The following PBX1 variants were observed in gnomAD, a reference collection of about 807,000 sequenced individuals.
PBX1 encodes the protein PBX homeobox 1, also known as pre-B-cell leukemia transcription factor 1.
PBX1 carries 6 observed loss-of-function variants against 53.4 expected under a neutral mutation model. That is an observed-to-expected ratio of 0.11 (90% CI 0.06 to 0.22). The LOEUF (loss-of-function observed/expected upper bound fraction) is 0.22. Among genes scored for constraint, PBX1 ranks in the 10% least tolerant of loss-of-function variants. The probability of loss-of-function intolerance (pLI) is 1.00; values close to 1 mark genes in which losing one functional copy is unlikely to be tolerated. For synonymous variants in PBX1, 204 were observed against 212.3 expected, an observed-to-expected ratio of 0.96 and a Z score of 0.34; for missense variants, 251 against 551.4, an observed-to-expected ratio of 0.46 and a Z score of 5.46.
chr1:164,739,480 A>G (rs528556165), intron 2 of PBX1, among the ~76,000 whole-genome samples: 1 of 152,010 alleles, frequency 6.6e-6, no homozygotes, highest in Non-Finnish European at 1.5e-5. Context: ...TTCCCTAACC[A>G]CCCAAACTGG....
intron 8 of PBX1, among the ~76,000 whole-genome samples, chr1:164,832,978 AAAC>A (rs1327002694): frequency 6.6e-6 from 1 of 152,168 alleles, no homozygotes; most frequent in East Asian, 1.9e-4. Context: ...AACAATTAAA[AAAC>A]AATAAGGAGA....
intron 2 of PBX1, among the ~76,000 whole-genome samples, chr1:164,625,074 A>G (rs972287647): frequency 6.6e-6 from 1 of 152,246 alleles, no homozygotes; most frequent in Non-Finnish European, 1.5e-5. Flanking sequence ...TACACCATGT[A>G]GAAACATGGG....
chr1:164,655,136 G>A (rs1374970440), intron 2 of PBX1, among the ~76,000 whole-genome samples: 2 of 142,644 alleles, frequency 1.4e-5, no homozygotes, highest in South Asian at 2.2e-4. Flanking sequence ...TTTTTAAGAC[G>A]GAATTTCACT....
At chr1:164,779,479 T>C (rs1427731075) in intron 2 of PBX1, among the ~76,000 whole-genome samples, 1 of 152,190 alleles carries the variant, frequency 6.6e-6, no homozygotes, top group Non-Finnish European at 1.5e-5. Flanking sequence ...GCTGTAAGGC[T>C]GTCACTGAAC....
At chr1:164,857,334 G>T (rs1672000551) in intron 2 of PBX1, among the ~76,000 whole-genome samples, 1 of 152,182 alleles carries the variant, frequency 6.6e-6, no homozygotes, top group Admixed American at 6.5e-5. Flanking sequence ...ATAGTGGGAG[G>T]TCTGGAAGGG....
chr1:164,565,645 ATT>A (rs1557863390), intron 2 of PBX1, among the ~76,000 whole-genome samples: 2 of 152,044 alleles, frequency 1.3e-5, no homozygotes, highest in African/African-American at 4.8e-5. Context: ...CTAAAGCACG[ATT>A]ACTTGGCTAC....
At chr1:164,798,237 T>C (rs1668884474) in intron 3 of PBX1, among the ~76,000 whole-genome samples, 1 of 152,268 alleles carries the variant, frequency 6.6e-6, no homozygotes, top group African/African-American at 2.4e-5. Flanking sequence ...CTACTATTGT[T>C]ATTGTTATTG....
Position 164,764,779 on chromosome 1 carries a change from T to G in PBX1, c.266-27715T>G, listed in dbSNP as rs571083226. ...ATATAACTTGAAATGCGTAGGTTTC[T>G]TATCTAAGAAACCTTTGCACAACCC... is the stretch of plus-strand genomic sequence containing the variant. On this transcript the variant is annotated intron_variant, in intron 2 of 8. Transcript: ENST00000420696. Among the ~76,000 whole-genome samples, 3 of 152,312 alleles carry G rather than the reference T, an allele frequency of 2.0e-5. No homozygotes were observed. In the South Asian group the frequency reaches 6.2e-4, roughly 32 times the overall value.
At chr1:164,603,929 A>ATTTCATTTTTTTTTTTTTT (rs1656369037) in intron 2 of PBX1, among the ~76,000 whole-genome samples, 3 of 75,740 alleles carry the variant, frequency 4.0e-5, no homozygotes, top group African/African-American at 1.9e-4. Flanking sequence ...ATGTCATTTC[A>ATTTCATTTTTTTTTTTTTT]TTTTTTTTTT....
intron 2 of PBX1, among the ~76,000 whole-genome samples, chr1:164,758,218 G>A (rs1472419308): frequency 6.6e-6 from 1 of 152,186 alleles, no homozygotes; most frequent in African/African-American, 2.4e-5. Flanking sequence ...TGAGCGGAAC[G>A]TTGTGTTCAC....
intron 2 of PBX1, among the ~76,000 whole-genome samples, chr1:164,750,971 A>C (rs12068276): frequency 0.17 from 25,777 of 152,106 alleles, 2,839 homozygotes; most frequent in South Asian, 0.34. Context: ...GGGATCCCCA[A>C]CATTTCCAGG....
chr1:164,872,274 C>T (rs140614814), intron 2 of PBX1, among the ~76,000 whole-genome samples: 10 of 152,282 alleles, frequency 6.6e-5, no homozygotes, highest in South Asian at 4.2e-4. Context: ...TCTCCATGTG[C>T]GGACAGCATT....
intron 2 of PBX1, chr1:164,642,262 G>A (rs1015716160): frequency 6.6e-6 from 1 of 151,724 alleles, no homozygotes; most frequent in Non-Finnish European, 1.5e-5. Flanking sequence ...ACTCTATTTG[G>A]TAGAGACTGA....
At chr1:164,778,397 A>T (rs752813609) in intron 2 of PBX1, among the ~76,000 whole-genome samples, 2 of 152,312 alleles carry the variant, frequency 1.3e-5, no homozygotes, top group Non-Finnish European at 2.9e-5. Flanking sequence ...TAATCCCAAC[A>T]CTTTGGGAGG....
intron 2 of PBX1, among the ~76,000 whole-genome samples, chr1:164,877,302 A>T (rs893541955): frequency 1.5e-4 from 23 of 151,888 alleles, no homozygotes; most frequent in Non-Finnish European, 2.8e-4. Context: ...AATCCTCCTG[A>T]TACTTGATAT....
chr1:164,771,250 GAT>G (rs1201274512), intron 2 of PBX1: 1 of 152,070 alleles, frequency 6.6e-6, no homozygotes, highest in East Asian at 1.9e-4. Context: ...ATGAGAACTT[GAT>G]ATCTTTCTTG....
intron 2 of PBX1, among the ~76,000 whole-genome samples, chr1:164,656,913 A>T (rs1347336152): frequency 1.3e-5 from 2 of 152,196 alleles, no homozygotes; most frequent in Admixed American, 1.3e-4. Flanking sequence ...GTGTGAGTTT[A>T]TACATGGGTT....
intron 2 of PBX1, among the ~76,000 whole-genome samples, chr1:164,681,801 C>G (rs1161972667): frequency 6.6e-6 from 1 of 151,904 alleles, no homozygotes; most frequent in East Asian, 1.9e-4. Flanking sequence ...GTATAACAAA[C>G]CTACACATGC....
At chr1:164,785,994 T>C (rs1668154095) in intron 2 of PBX1, among the ~76,000 whole-genome samples, 1 of 152,170 alleles carries the variant, frequency 6.6e-6, no homozygotes, top group Non-Finnish European at 1.5e-5. Flanking sequence ...TAAGGCAGAT[T>C]TGACAGTTTT....
Sources: allele counts gnomAD v4.1 joint callset (sites outside exome capture counted in the v4.1 genomes callset), GRCh38; gene constraint gnomAD v4.1.1; transcripts MANE v1.5; gene names NCBI Gene and HGNC (gene_info 2026-07-23, HGNC 2026-07-21).